Variants in ANK2 observed in about 807,000 individuals in gnomAD.
ANK2 encodes the protein ankyrin-2.
Under a neutral mutation model 360.5 loss-of-function variants are expected in ANK2, and 83 were observed. The ratio of observed to expected loss-of-function variants is 0.23; its 90% CI spans 0.19 to 0.28. The LOEUF is 0.28. ANK2 is among the 10% of genes least tolerant of loss of function. The pLI, the probability that ANK2 is intolerant of heterozygous loss-of-function variation, is 1.00. For synonymous variants in ANK2, 1,740 were observed against 1,759.5 expected, an observed-to-expected ratio of 0.99 and a Z score of 0.28; for missense variants, 4,201 against 4,795.7, an observed-to-expected ratio of 0.88 and a Z score of 3.66.
chr4:112,741,848 C>G, the ANK2 span, among the ~76,000 whole-genome samples: 1 of 152,002 alleles, frequency 6.6e-6, no homozygotes, highest in Admixed American at 6.6e-5. Context: ...CAAACAAGCA[C>G]AATAAAATTG....
intron 23 of ANK2, 113 bp downstream of exon 23, chr4:113,302,952 A>G (rs1335914964): frequency 3.1e-6 from 3 of 982,978 alleles, no homozygotes; most frequent in Non-Finnish European, 3.2e-6. Context: ...CTTAACATTT[A>G]AAGTCACTTT....
intron 1 of ANK2, chr4:113,117,273 C>T (rs1462155226): frequency 2.2e-6 from 1 of 455,776 alleles, no homozygotes; most frequent in Non-Finnish European, 4.4e-6. Context: ...ACTGCTTCTG[C>T]TGATTTCCTC....
At chr4:113,262,646 TA>T (rs1337422712) in intron 13 of ANK2, among the ~76,000 whole-genome samples, 3 of 151,990 alleles carry the variant, frequency 2.0e-5, no homozygotes, top group Non-Finnish European at 4.4e-5. Context: ...AAAATAAAAA[TA>T]AAAAACTACA....
the ANK2 span, among the ~76,000 whole-genome samples, chr4:112,756,827 G>T: frequency 6.6e-6 from 1 of 151,998 alleles, no homozygotes; most frequent in Admixed American, 6.6e-5. Flanking sequence ...ACAAAAATTA[G>T]CCCTACATGG....
chr4:112,991,619 C>CTTTTTTTTTTT (rs35505334), intron 2 of ANK2, among the ~76,000 whole-genome samples: 1 of 125,858 alleles, frequency 7.9e-6, no homozygotes, highest in African/African-American at 3.0e-5. Flanking sequence ...TTCTTTCTTT[C>CTTTTTTTTTTT]TTTTTTTTTT....
intron 7 of ANK2, among the ~76,000 whole-genome samples, chr4:113,237,977 G>A (rs2099396650): frequency 6.6e-6 from 1 of 152,156 alleles, no homozygotes; most frequent in Admixed American, 6.5e-5. Context: ...TTAAGGAAGT[G>A]AAAATTTGGG....
intron 2 of ANK2, among the ~76,000 whole-genome samples, chr4:113,002,883 C>A (rs2051324839): frequency 6.6e-6 from 1 of 152,176 alleles, no homozygotes; most frequent in Admixed American, 6.6e-5. Context: ...ACCAAATCAC[C>A]TCTTTCTCTC....
the ANK2 span, among the ~76,000 whole-genome samples, chr4:112,728,160 G>T: frequency 6.6e-6 from 1 of 150,794 alleles, no homozygotes; most frequent in Non-Finnish European, 1.5e-5. Flanking sequence ...GGGCGTGGTG[G>T]CAGGCGACTG....
At chr4:113,029,454 A>C (rs910736850) in intron 2 of ANK2, among the ~76,000 whole-genome samples, 15 of 152,006 alleles carry the variant, frequency 9.9e-5, no homozygotes, top group African/African-American at 3.6e-4. Flanking sequence ...TGTGTTGCCC[A>C]TGCTGGTCTA....
At chr4:113,188,830 C>T (rs1259182747) in intron 2 of ANK2, among the ~76,000 whole-genome samples, 2 of 152,090 alleles carry the variant, frequency 1.3e-5, no homozygotes, top group African/African-American at 4.8e-5. Flanking sequence ...GATTTTGTTT[C>T]CAAAGATGGA....
chr4:113,363,509 C>T (rs755658945), intron 40 of ANK2, 40 bp downstream of exon 40: 1 of 1,611,718 alleles, frequency 6.2e-7, no homozygotes, highest in Non-Finnish European at 8.5e-7. Flanking sequence ...TAAAGTTGGA[C>T]ATGTCTTGCT....
chr4:113,046,978 G>A (rs1460866566), upstream of ANK2, among the ~76,000 whole-genome samples: 1 of 152,150 alleles, frequency 6.6e-6, no homozygotes, highest in Non-Finnish European at 1.5e-5. Context: ...TACTAATTGG[G>A]CTACCAAACA....
At chr4:113,165,589 T>A (rs554327764) in intron 1 of ANK2, among the ~76,000 whole-genome samples, 1 of 152,314 alleles carries the variant, frequency 6.6e-6, no homozygotes, top group East Asian at 1.9e-4. Context: ...TCAACTATGA[T>A]GTTTTAAGAT....
chr4:112,986,732 A>G (rs2154276074), intron 2 of ANK2, among the ~76,000 whole-genome samples: 1 of 152,342 alleles, frequency 6.6e-6, no homozygotes, highest in Non-Finnish European at 1.5e-5. Flanking sequence ...GATTTGTAAA[A>G]TATCAAATGG....
At chr4:113,371,739 G>C (rs888276976) in intron 43 of ANK2, among the ~76,000 whole-genome samples, 6 of 152,066 alleles carry the variant, frequency 3.9e-5, no homozygotes, top group Non-Finnish European at 8.8e-5. Context: ...AATATAATTT[G>C]GTTTAGAATT....
chr4:113,318,409 T>G, intron 25 of ANK2, 108 bp from the exon 26 acceptor site: 1 of 858,432 alleles, frequency 1.2e-6, no homozygotes, highest in Admixed American at 2.1e-5. Flanking sequence ...AAGTGTAAGT[T>G]TTTCTAGGTT....
chr4:112,782,179 T>G, the ANK2 span, among the ~76,000 whole-genome samples: 1 of 152,188 alleles, frequency 6.6e-6, no homozygotes, highest in Non-Finnish European at 1.5e-5. Flanking sequence ...TTGAAATGCT[T>G]ACTGATAAAA....
At chr4:113,050,585 A>T (rs375955635) in intron 1 of ANK2, among the ~76,000 whole-genome samples, 1 of 151,906 alleles carries the variant, frequency 6.6e-6, no homozygotes, top group African/African-American at 2.4e-5. Flanking sequence ...TTATGGCCTG[A>T]CTCCTTCTGG....
chr4:112,731,449 C>T, the ANK2 span, among the ~76,000 whole-genome samples: 4 of 151,842 alleles, frequency 2.6e-5, no homozygotes, highest in Non-Finnish European at 4.4e-5. Context: ...CTAGGCCGAG[C>T]GCAGTGGCTC....
Sources: allele counts gnomAD v4.1 joint callset (sites outside exome capture counted in the v4.1 genomes callset), GRCh38; gene constraint gnomAD v4.1.1; transcripts MANE v1.5; gene names NCBI Gene and HGNC (gene_info 2026-07-23, HGNC 2026-07-21).